MTRF1: variants seen among roughly 807,000 people sequenced by gnomAD.
MTRF1 encodes peptide chain release factor 1, mitochondrial.
A neutral mutation model predicts 62.9 loss-of-function variants in MTRF1; 51 were observed. The observed-to-expected ratio is 0.81, with a 90% CI of 0.65 to 1.02. The LOEUF is 1.02. MTRF1 is among the 50% of genes least tolerant of loss of function. MTRF1 has a pLI of 0.00. For synonymous variants in MTRF1, 158 were observed against 181.9 expected (o/e 0.87, Z 1.06); for missense variants, 446 against 530.0 (o/e 0.84, Z 1.56).
At chr13:41,231,878 CAAAA>C (rs57305711) in intron 7 of MTRF1, among the ~76,000 whole-genome samples, 2 of 104,074 alleles carry the variant, frequency 1.9e-5, no homozygotes, top group Admixed American at 1.0e-4. Context: ...TGGTGTCTAC[CAAAA>C]AAAAAAAAAA....
chr13:41,311,710 C>T, the MTRF1 span: 23 of 863,790 alleles, frequency 2.7e-5, no homozygotes, highest in African/African-American at 7.2e-5. Context: ...TTGTTTACCT[C>T]GGAGGTCGCG....
At chr13:41,246,067 A>C (rs140436332) in intron 5 of MTRF1, among the ~76,000 whole-genome samples, 247 of 152,180 alleles carry the variant, frequency 1.6e-3, no homozygotes, top group African/African-American at 5.2e-3. Context: ...ATTATTGGAG[A>C]GCGTAAACCT....
At chr13:41,250,946 T>C (rs1029255622) in intron 5 of MTRF1, among the ~76,000 whole-genome samples, 10 of 152,354 alleles carry the variant, frequency 6.6e-5, no homozygotes, top group Admixed American at 1.3e-4. Flanking sequence ...GCTCATCTCC[T>C]TTGTGTCAGA....
intron 7 of MTRF1, among the ~76,000 whole-genome samples, chr13:41,227,256 A>G (rs1360468451): frequency 1.3e-5 from 2 of 151,960 alleles, no homozygotes; most frequent in Non-Finnish European, 2.9e-5. Context: ...CTGGTGACAG[A>G]GCGAGACTCC....
intron 5 of MTRF1, among the ~76,000 whole-genome samples, chr13:41,248,731 A>G (rs2038625057): frequency 6.6e-6 from 1 of 152,138 alleles, no homozygotes; most frequent in Non-Finnish European, 1.5e-5. Flanking sequence ...CCCCAAATTA[A>G]CTCGTGAGTA....
chr13:41,238,795 T>C (rs1037156719), intron 6 of MTRF1, among the ~76,000 whole-genome samples: 1 of 152,200 alleles, frequency 6.6e-6, no homozygotes, highest in African/African-American at 2.4e-5. Flanking sequence ...TAGCATTATG[T>C]GTCTTCTGAT....
chr13:41,252,961 T>G lies in MTRF1; in HGVS notation c.577A>C (p.Arg193=). The change falls in exon 4 of 10, where the codon AGG becomes CGG. Residue 193 remains arginine, a synonymous_variant. Coordinates refer to ENST00000379480, the MANE Select transcript of MTRF1 (RefSeq NM_004294.4). ...TAAGTTTACTGACCTCCAGTAGTCC[T>G]TCCAGCTGTCACCTCTAAAATAACA... is the stretch of plus-strand genomic sequence containing the variant. ...NDVILEVTAG[R]TTGGDICQQF... is the part of the protein sequence containing the mutation. The G allele has an allele frequency of 6.2e-7, 1 of 1,604,552 alleles. No homozygotes were observed. The highest frequency in any genetic ancestry group is 8.5e-7 in the Non-Finnish European group (1 of 1,175,124).
At chr13:41,282,609 G>A in the MTRF1 span, among the ~76,000 whole-genome samples, 3 of 152,168 alleles carry the variant, frequency 2.0e-5, no homozygotes, top group Non-Finnish European at 2.9e-5. Context: ...CCTTCCCTAC[G>A]TTGCTAGCTT....
chr13:41,262,497 GATTAGTTTAAAAA>G (rs1365542596), intron 1 of MTRF1: 1 of 152,032 alleles, frequency 6.6e-6, no homozygotes, highest in Non-Finnish European at 1.5e-5. Flanking sequence ...CATAAAAAAA[GATTAGTTTAAAAA>G]ATTACAGGTT....
chr13:41,304,900 C>T, the MTRF1 span, among the ~76,000 whole-genome samples: 1 of 152,148 alleles, frequency 6.6e-6, no homozygotes, highest in Admixed American at 6.5e-5. Context: ...CAATTCAGGC[C>T]CAGTTAGACA....
At chr13:41,228,838 T>C (rs1023510657) in intron 7 of MTRF1, among the ~76,000 whole-genome samples, 9 of 152,088 alleles carry the variant, frequency 5.9e-5, no homozygotes, top group African/African-American at 1.9e-4. Flanking sequence ...ATGGAGAAAA[T>C]AGAAGAATGA....
intron 5 of MTRF1, among the ~76,000 whole-genome samples, chr13:41,241,018 A>T (rs899100573): frequency 2.0e-5 from 3 of 152,146 alleles, no homozygotes; most frequent in African/African-American, 7.2e-5. Context: ...AGTATCACAA[A>T]GAATCTTAAC....
chr13:41,278,323 T>C, the MTRF1 span, among the ~76,000 whole-genome samples: 1 of 152,116 alleles, frequency 6.6e-6, no homozygotes, highest in Non-Finnish European at 1.5e-5. Context: ...GAATATAGGG[T>C]TTTATTAAAA....
At chr13:41,308,221 T>G in the MTRF1 span, among the ~76,000 whole-genome samples, 1 of 152,226 alleles carries the variant, frequency 6.6e-6, no homozygotes, top group Non-Finnish European at 1.5e-5. Context: ...CAGGAAACTT[T>G]CATAAAAGAT....
chr13:41,217,262 G>T (rs1415189097), intron 9 of MTRF1, 34 bp from the exon 10 acceptor site: 5 of 1,223,918 alleles, frequency 4.1e-6, no homozygotes, highest in South Asian at 1.3e-5. Flanking sequence ...GAAACCTAAT[G>T]ATTAGAAATA....
intron 1 of MTRF1, chr13:41,261,334 C>CA (rs763732748): frequency 0.013 from 1,690 of 134,448 alleles, 20 homozygotes; most frequent in African/African-American, 0.039. Context: ...GACTTCGTCT[C>CA]AAAAAAAAAA....
Position 41,263,229 on chromosome 13 carries a change from GAAAAC to G in MTRF1, c.-9+251_-9+255del, listed in dbSNP as rs772710787. The G allele has an allele frequency of 2.2e-5, 28 of 1,280,560 alleles. No homozygotes were observed. In the East Asian group the frequency reaches 1.2e-3, roughly 56 times the overall value. The allele number at this position is 1,280,560 out of a possible 1,614,324, so 79.3% of individuals were successfully genotyped here. A position where few individuals can be genotyped will look rare whatever the true frequency, so the allele number is the denominator to read the frequency against. ...CAAGGTCATGAATCTCAACATTAAGGAAAACAAAACAAAACAAGATGTTTACTCTC... is the reference window on the plus strand; with the variant it reads ...CAAGGTCATGAATCTCAACATTAAGGAAAACAAAACAAGATGTTTACTCTC... On this transcript the variant is annotated intron_variant, in intron 1 of 9. Coordinates refer to ENST00000379480, the MANE Select transcript of MTRF1 (RefSeq NM_004294.4).
the MTRF1 span, among the ~76,000 whole-genome samples, chr13:41,301,989 C>A: frequency 3.3e-3 from 505 of 152,168 alleles, 4 homozygotes; most frequent in African/African-American, 0.012. Flanking sequence ...AAACTTTCTT[C>A]TTCAGATAAG....
chr13:41,226,616 TAAGATAGAACC>T (rs1324184250), intron 7 of MTRF1, 48 bp from the exon 8 acceptor site: 1 of 1,600,388 alleles, frequency 6.2e-7, no homozygotes, highest in Non-Finnish European at 8.5e-7. Context: ...TCCACCAAAT[TAAGATAGAACC>T]AAGGAACAGT....
Sources: gnomAD v4.1 joint callset for allele counts (sites outside exome capture counted in the v4.1 genomes callset) on GRCh38, gnomAD v4.1.1 for gene constraint, MANE v1.5 for transcripts, NCBI Gene and HGNC (gene_info 2026-07-23, HGNC 2026-07-21) for gene names.